RAC3: variants seen among roughly 807,000 people sequenced by gnomAD.
RAC3 encodes the protein Rac family small GTPase 3, also known as ras-related C3 botulinum toxin substrate 3.
Under a neutral mutation model 19.0 loss-of-function variants are expected in RAC3, and 9 were observed. That is an observed-to-expected ratio of 0.47 (90% CI 0.29 to 0.83). The LOEUF (loss-of-function observed/expected upper bound fraction) is 0.83. Ranked by LOEUF, RAC3 falls within the 40% of genes least tolerant of loss-of-function variation. The probability of loss-of-function intolerance (pLI) is 0.09; values close to 1 mark genes in which losing one functional copy is unlikely to be tolerated. For missense variants in RAC3, 203 were observed against 260.8 expected (o/e 0.78, Z 1.53); for synonymous variants, 146 against 111.8 (o/e 1.31, Z -1.93).
At chr17:82,032,246 G>A (rs2043437758) in intron 1 of RAC3, 141 bp from the exon 2 acceptor site, 2 of 735,438 alleles carry the variant, frequency 2.7e-6, no homozygotes, top group Admixed American at 2.7e-5. Context: ...GCCTTAGGTC[G>A]CCACGGATCT....
rs2043447822 is a variant in RAC3, at chr17:82,033,030, C to T, written c.288+21C>T. 2 of 1,606,830 alleles carry T rather than the reference C, an allele frequency of 1.2e-6. No individual in the cohort carries two copies. The highest frequency in any genetic ancestry group is 1.3e-5 in the African/African-American group (1 of 74,806). On this transcript the variant is annotated intron_variant, in intron 4 of 5. Transcript: ENST00000306897. This position sits in a 1 kb window ranked among gnomAD's most constrained non-coding sequence, Gnocchi z 6.2. ...CCAAGGTAGGGCAAGGCTGGGGGCC[C>T]CTGTGGGGAGAGGGCTTGCCCCAGT...
In RAC3 at chr17:82,033,155, G is replaced by T; in HGVS notation, c.288+146G>T. ...TCTGAAGATGACCATGGGGGCTGAT[G>T]GGGTGCCGTGGTGGTGGTCACAGCT... On this transcript the variant is annotated intron_variant, in intron 4 of 5. Transcript: ENST00000306897. This position sits in a 1 kb window ranked among gnomAD's most constrained non-coding sequence, Gnocchi z 6.2. 1 of 928,808 alleles carries T rather than the reference G, an allele frequency of 1.1e-6. No individual in the cohort carries two copies. Among genetic ancestry groups the T allele is most frequent in the Non-Finnish European group, 1.6e-6 (1 of 606,382 alleles). 57.5% of individuals were successfully genotyped at this position (928,808 alleles called of 1,614,324 possible). A position where few individuals can be genotyped will look rare whatever the true frequency, so the allele number is the denominator to read the frequency against.
At position 82,031,723 on chromosome 17, in the gene RAC3, C is replaced by T; in HGVS notation, c.-39C>T. ...CGGCGCCGGGCATTTCTCCGCAGCT[C>T]GGCTCGCGGCCGCGCCCGCCGCCGC... is the stretch of plus-strand genomic sequence containing the variant. On this transcript the variant is annotated 5_prime_UTR_variant, in exon 1 of 6. Coordinates refer to ENST00000306897, the MANE Select transcript of RAC3 (RefSeq NM_005052.3). 1 of 983,746 alleles carries T rather than the reference C, an allele frequency of 1.0e-6. No homozygotes were observed. The allele number at this position is 983,746 out of a possible 1,614,324, so 60.9% of individuals were successfully genotyped here.
At chr17:82,032,639 GAC>G (rs1382517933) in intron 2 of RAC3, 70 bp from the exon 3 acceptor site, 4 of 1,501,828 alleles carry the variant, frequency 2.7e-6, no homozygotes, top group Non-Finnish European at 3.7e-6. Flanking sequence ...TGAACCCCAA[GAC>G]ACAGGCCAGC....
chr17:82,031,918 C>G, intron 1 of RAC3, 122 bp downstream of exon 1: 1 of 407,754 alleles, frequency 2.5e-6, no homozygotes, highest in Non-Finnish European at 3.3e-6. Flanking sequence ...CCCCGCCGTA[C>G]CCCGCCCGAG....
At position 82,033,833 on chromosome 17, in the gene RAC3, C is replaced by G; in HGVS notation, c.*4C>G. On this transcript the variant is annotated 3_prime_UTR_variant, in exon 6 of 6. Coordinates refer to ENST00000306897, the MANE Select transcript of RAC3 (RefSeq NM_005052.3). This position sits in a 1 kb window ranked among gnomAD's most constrained non-coding sequence, Gnocchi z 6.2. ...GAAGAAGTGCACCGTCTTCTAGAGC[C>G]CTGGCCCACCCGAGCCTGAGGGCTG... is the stretch of plus-strand genomic sequence containing the variant. 6.3e-7 allele frequency: 1 copy of G among 1,588,820 alleles called. No homozygotes were observed. The highest frequency in any genetic ancestry group is 8.6e-7 in the Non-Finnish European group (1 of 1,168,042).
At chr17:82,032,864 G>T (rs1327152206) in intron 3 of RAC3, 36 bp downstream of exon 3, 3 of 1,610,782 alleles carry the variant, frequency 1.9e-6, no homozygotes, top group Non-Finnish European at 8.5e-7. Context: ...GGAGCTGGGG[G>T]GGTCCCTGAG....
At position 82,032,447 on chromosome 17, in the gene RAC3, C is replaced by T; in HGVS notation, c.96C>T (p.Tyr32=). 1 of 1,613,034 alleles carries T rather than the reference C, an allele frequency of 6.2e-7. No individual in the cohort carries two copies. The highest frequency in any genetic ancestry group is 1.1e-5 in the South Asian group (1 of 91,086). Residue 32 remains tyrosine (Y), a synonymous_variant, in exon 2 of 6, where the codon TAC becomes TAT. Coordinates refer to ENST00000306897, the MANE Select transcript of RAC3 (RefSeq NM_005052.3). ...SYTTNAFPGE[Y]IPTVFDNYSA... ...CGACCAACGCCTTCCCCGGAGAGTACATCCCCACCGTGTGAGTGTGGGGGC... is the reference window on the plus strand; with the variant it reads ...CGACCAACGCCTTCCCCGGAGAGTATATCCCCACCGTGTGAGTGTGGGGGC...
chr17:82,033,860 C>CGGGGAGCAGCCCT lies in RAC3; in HGVS notation c.*34_*46dup. 2 of 1,556,126 alleles carry CGGGGAGCAGCCCT rather than the reference C, an allele frequency of 1.3e-6. No homozygotes were observed. The highest frequency in any genetic ancestry group is 1.7e-4 in the Middle Eastern group (1 of 5,756). On this transcript the variant is annotated 3_prime_UTR_variant, in exon 6 of 6. Transcript: ENST00000306897. This position sits in a 1 kb window ranked among gnomAD's most constrained non-coding sequence, Gnocchi z 6.2. ...TGGCCCACCCGAGCCTGAGGGCTGG[C>CGGGGAGCAGCCCT]GGGGAGCAGCCCTGGACGTGTCCGC...
intron 1 of RAC3, 129 bp from the exon 2 acceptor site, chr17:82,032,258 G>A: frequency 2.5e-6 from 2 of 815,464 alleles, no homozygotes; most frequent in Non-Finnish European, 3.9e-6. Context: ...CACGGATCTG[G>A]TGGGCTGGGT....
In RAC3 at chr17:82,032,267, G is replaced by T. The variant is rs1168012556; in HGVS notation, c.36-120G>T. The T allele has an allele frequency of 4.5e-6, 4 of 893,978 alleles. No individual in the cohort carries two copies. The Admixed American group carries it at 9.1e-5, about 20-fold the overall frequency. 55.4% of individuals were successfully genotyped at this position (893,978 alleles called of 1,614,324 possible). On this transcript the variant is annotated intron_variant, in intron 1 of 5. Coordinates refer to ENST00000306897, the MANE Select transcript of RAC3 (RefSeq NM_005052.3). Reference sequence around the variant, plus strand: ...GGTCGCCACGGATCTGGTGGGCTGGGTCCCCCTCTCGACCCCAGACGCCCC... The same window carrying T: ...GGTCGCCACGGATCTGGTGGGCTGGTTCCCCCTCTCGACCCCAGACGCCCC...
At position 82,033,091 on chromosome 17, in the gene RAC3, C is replaced by T. The variant is rs563558910; in HGVS notation, c.288+82C>T. 112 of 1,310,972 alleles carry T rather than the reference C, an allele frequency of 8.5e-5. No individual in the cohort carries two copies. The South Asian group carries it at 8.8e-4, about 10-fold the overall frequency. The allele number at this position is 1,310,972 out of a possible 1,614,324, so 81.2% of individuals were successfully genotyped here. A position where few individuals can be genotyped will look rare whatever the true frequency, so the allele number is the denominator to read the frequency against. ...ACAAGTTGTCCTTTAGAGGCAATTG[C>T]GATACGGGTTCTGCCTGGGGTAGGC... On this transcript the variant is annotated intron_variant, in intron 4 of 5. Transcript: ENST00000306897. This position sits in a 1 kb window ranked among gnomAD's most constrained non-coding sequence, Gnocchi z 6.2.
chr17:82,033,825 T>C lies in RAC3; in HGVS notation c.575T>C (p.Phe192Ser), dbSNP rs139309995. The change falls in exon 6 of 6, where the codon TTC becomes TCC. Residue 192 changes from phenylalanine to serine, a missense_variant. Phe to Ser is a radical substitution (Grantham distance 155, BLOSUM62 -2). Coordinates refer to ENST00000306897, the MANE Select transcript of RAC3 (RefSeq NM_005052.3). The surrounding 1 kb of genome is among the most constrained non-coding windows in gnomAD (Gnocchi z 6.2). ...AAGCCGGGGAAGAAGTGCACCGTCT[T>C]CTAGAGCCCTGGCCCACCCGAGCCT... ...VKKPGKKCTVF is the reference protein window; with the variant it reads ...VKKPGKKCTVS The C allele has an allele frequency of 2.3e-3, 3,608 of 1,596,954 alleles. 8 individuals are homozygous for C. Among genetic ancestry groups the C allele is most frequent in the Non-Finnish European group, 3.0e-3 (3,489 of 1,172,312 alleles).
rs753992755 is a variant in RAC3 at position 82,032,439 on chromosome 17, G to C, written c.88G>C (p.Gly30Arg). 2 of 1,613,034 alleles carry C rather than the reference G, an allele frequency of 1.2e-6. No homozygotes were observed. Among genetic ancestry groups the C allele is most frequent in the Non-Finnish European group, 1.7e-6 (2 of 1,179,962 alleles). Residue 30 changes from glycine to arginine, a missense_variant, in exon 2 of 6, where the codon GGA becomes CGA. Gly to Arg is a moderately radical substitution (Grantham distance 125). Transcript: ENST00000306897. ...CAGCTACACGACCAACGCCTTCCCC[G>C]GAGAGTACATCCCCACCGTGTGAGT... is the stretch of plus-strand genomic sequence containing the variant. ...LISYTTNAFP[G>R]EYIPTVFDNY...
chr17:82,032,228 G>C lies in RAC3; in HGVS notation c.36-159G>C, dbSNP rs936967285. On this transcript the variant is annotated intron_variant, in intron 1 of 5. Coordinates refer to ENST00000306897, the MANE Select transcript of RAC3 (RefSeq NM_005052.3). ...CCCCGGAGCCCGGCCTGCCCAGGTC[G>C]TCCTCCAGCCTTAGGTCGCCACGGA... The C allele has an allele frequency of 6.1e-6, 4 of 657,930 alleles. No homozygotes were observed. The East Asian group carries it at 1.1e-4, about 18-fold the overall frequency. The allele number at this position is 657,930 out of a possible 1,614,324, so 40.8% of individuals were successfully genotyped here.
At position 82,033,067 on chromosome 17, in the gene RAC3, C is replaced by T; in HGVS notation, c.288+58C>T. 3.3e-6 allele frequency: 5 copies of T among 1,536,258 alleles called. No homozygotes were observed. The highest frequency in any genetic ancestry group is 2.3e-5 in the East Asian group (1 of 44,346). ...GGGCTTGCCCCAGTACCTGCCCCGA[C>T]AAGTTGTCCTTTAGAGGCAATTGCG... On this transcript the variant is annotated intron_variant, in intron 4 of 5. Coordinates refer to ENST00000306897, the MANE Select transcript of RAC3 (RefSeq NM_005052.3). This position sits in a 1 kb window ranked among gnomAD's most constrained non-coding sequence, Gnocchi z 6.2.
At position 82,033,075 on chromosome 17, in the gene RAC3, C is replaced by A; in HGVS notation, c.288+66C>A. The A allele has an allele frequency of 6.7e-7, 1 of 1,495,898 alleles. No individual in the cohort carries two copies. The highest frequency in any genetic ancestry group is 1.1e-5 in the South Asian group (1 of 87,918). 92.7% of individuals were successfully genotyped at this position (1,495,898 alleles called of 1,614,324 possible). On this transcript the variant is annotated intron_variant, in intron 4 of 5. Transcript: ENST00000306897. This position sits in a 1 kb window ranked among gnomAD's most constrained non-coding sequence, Gnocchi z 6.2. The stretch of plus-strand genomic sequence containing the variant: ...CCCAGTACCTGCCCCGACAAGTTGT[C>A]CTTTAGAGGCAATTGCGATACGGGT...
intron 1 of RAC3, chr17:82,032,020 C>G (rs1403168998): frequency 4.9e-6 from 1 of 205,416 alleles, no homozygotes; most frequent in Non-Finnish European, 9.4e-6. Context: ...GCCCGGCTCC[C>G]GCTTGGGCTG....
At position 82,033,534 on chromosome 17, in the gene RAC3, G is replaced by A. The variant is rs769226019; in HGVS notation, c.383G>A (p.Arg128Gln). Residue 128 changes from arginine to glutamine, a missense_variant, in exon 5 of 6, where the codon CGG (arginine) becomes CAG (glutamine). By Grantham distance (43) the Arg-to-Gln change is conservative (BLOSUM62 1). Coordinates refer to ENST00000306897, the MANE Select transcript of RAC3 (RefSeq NM_005052.3). The surrounding 1 kb of genome is among the most constrained non-coding windows in gnomAD (Gnocchi z 6.2). Reference protein sequence around the residue: ...DLRDDKDTIERLRDKKLAPIT... With the variant: ...DLRDDKDTIEQLRDKKLAPIT... ...CGCGACGACAAGGACACCATTGAGC[G>A]GCTGCGGGACAAGAAGCTGGCACCC... The A allele has an allele frequency of 5.0e-6, 8 of 1,612,762 alleles. No homozygotes were observed. Among genetic ancestry groups the A allele is most frequent in the Admixed American group, 3.3e-5 (2 of 59,976 alleles).
Sources: allele counts gnomAD v4.1 joint callset, GRCh38; gene constraint gnomAD v4.1.1; non-coding constraint Gnocchi (gnomAD v3.1); transcripts MANE v1.5; gene names NCBI Gene and HGNC (gene_info 2026-07-23, HGNC 2026-07-21).